LRRC8B: variants seen among roughly 807,000 people sequenced by gnomAD.
LRRC8B encodes the protein leucine rich repeat containing 8 VRAC subunit B, also known as volume-regulated anion channel subunit LRRC8B.
In LRRC8B, 23 loss-of-function variants were observed where a neutral mutation model predicts 58.8. The ratio of observed to expected loss-of-function variants is 0.39; its 90% CI spans 0.28 to 0.55. The LOEUF is 0.55. Among genes scored for constraint, LRRC8B ranks in the 20% least tolerant of loss-of-function variants. The probability of loss-of-function intolerance (pLI) is 0.62; values close to 1 mark genes in which losing one functional copy is unlikely to be tolerated. For synonymous variants in LRRC8B, 359 were observed against 374.1 expected (o/e 0.96, Z 0.47); for missense variants, 694 against 936.0 (o/e 0.74, Z 3.37).
At position 89,581,338 on chromosome 1, in the gene LRRC8B, A is replaced by C. The variant is rs549668338; in HGVS notation, c.-26-1287A>C. 2.0e-5 allele frequency among the ~76,000 whole-genome samples: 3 copies of C among 151,074 alleles called. No homozygotes were observed. In the East Asian group the frequency reaches 5.9e-4, roughly 30 times the overall value. On this transcript the variant is annotated intron_variant, in intron 4 of 5. Coordinates refer to ENST00000330947, the MANE Select transcript of LRRC8B (RefSeq NM_001369817.2). ...GCTACTAATACTAGAGTGTCTAGAG[A>C]GTAACTCTGGCCCAGAATAAATGAT...
At chr1:89,552,782 G>C (rs183943770) in intron 1 of LRRC8B, among the ~76,000 whole-genome samples, 1 of 152,322 alleles carries the variant, frequency 6.6e-6, no homozygotes, top group East Asian at 1.9e-4. Flanking sequence ...AGATGAGCCA[G>C]CCTGGCTACA....
intron 4 of LRRC8B, among the ~76,000 whole-genome samples, chr1:89,580,745 A>G (rs1654160041): frequency 1.3e-5 from 2 of 152,194 alleles, no homozygotes; most frequent in South Asian, 4.1e-4. Context: ...CCTAGGAGGA[A>G]GGTGAATCCA....
chr1:89,587,533 A>G (rs1654709384), intron 5 of LRRC8B, among the ~76,000 whole-genome samples: 1 of 152,180 alleles, frequency 6.6e-6, no homozygotes, highest in African/African-American at 2.4e-5. Flanking sequence ...ACTCCATCTC[A>G]AAAAAGGAAA....
chr1:89,537,828 T>C (rs575114285), intron 1 of LRRC8B, among the ~76,000 whole-genome samples: 1 of 152,300 alleles, frequency 6.6e-6, no homozygotes, highest in East Asian at 1.9e-4. Context: ...TCTCCCACCA[T>C]GTGAGGATAC....
In LRRC8B at chr1:89,584,662, T is replaced by C; in HGVS notation, c.2012T>C (p.Leu671Pro). The change falls in exon 5 of 6, where the codon CTG becomes CCG. Residue 671 changes from leucine (L) to proline (P), a missense_variant. This residue lies in a region of LRRC8B where 139 missense variants were observed against 158.2 expected (regional missense o/e 0.88). Coordinates refer to ENST00000330947, the MANE Select transcript of LRRC8B (RefSeq NM_001369817.2). ...TTGGACCATAATAATATTGAGAATC[T>C]GCCCTTGCAGCTTTTCCTATGCACT... ...LSLDHNNIENLPLQLFLCTKL... is the reference protein window; with the variant it reads ...LSLDHNNIENPPLQLFLCTKL... 6.2e-7 allele frequency: 1 copy of C among 1,614,018 alleles called. No homozygotes were observed. Among genetic ancestry groups the C allele is most frequent in the Non-Finnish European group, 8.5e-7 (1 of 1,180,010 alleles).
At chr1:89,559,641 C>A (rs1652471128) in intron 1 of LRRC8B, among the ~76,000 whole-genome samples, 1 of 151,014 alleles carries the variant, frequency 6.6e-6, no homozygotes, top group Admixed American at 6.6e-5. Context: ...CACACACACA[C>A]ACACACACAC....
intron 1 of LRRC8B, among the ~76,000 whole-genome samples, chr1:89,563,708 T>C (rs1652847314): frequency 6.6e-6 from 1 of 152,212 alleles, no homozygotes; most frequent in Non-Finnish European, 1.5e-5. Flanking sequence ...TCATGTTTAG[T>C]GCTTACATTG....
chr1:89,565,515 T>C (rs1570610324), intron 1 of LRRC8B, among the ~76,000 whole-genome samples: 1 of 152,332 alleles, frequency 6.6e-6, no homozygotes, highest in African/African-American at 2.4e-5. Context: ...ACTTAGCCTC[T>C]GCTTCTGAAT....
chr1:89,566,527 G>A (rs1259364214), intron 1 of LRRC8B, among the ~76,000 whole-genome samples: 3 of 152,200 alleles, frequency 2.0e-5, no homozygotes, highest in Non-Finnish European at 4.4e-5. Flanking sequence ...CAAGATCCCA[G>A]TGACTATGCC....
At chr1:89,565,034 C>T (rs1224026657) in intron 1 of LRRC8B, among the ~76,000 whole-genome samples, 1 of 152,132 alleles carries the variant, frequency 6.6e-6, no homozygotes, top group Non-Finnish European at 1.5e-5. Flanking sequence ...GAGACTAAAG[C>T]TATCTAAGGA....
chr1:89,563,930 A>G (rs1652860254), intron 1 of LRRC8B, among the ~76,000 whole-genome samples: 1 of 152,170 alleles, frequency 6.6e-6, no homozygotes, highest in African/African-American at 2.4e-5. Context: ...AGTCTCTCAC[A>G]TTTTCATCAG....
At chr1:89,549,233 C>G (rs1041508117) in intron 1 of LRRC8B, among the ~76,000 whole-genome samples, 12 of 152,150 alleles carry the variant, frequency 7.9e-5, no homozygotes, top group Non-Finnish European at 1.5e-4. Context: ...AAATTAAATT[C>G]CCAAAGGATA....
At chr1:89,534,766 T>G (rs149333223) in intron 1 of LRRC8B, among the ~76,000 whole-genome samples, 1,902 of 152,314 alleles carry the variant, frequency 0.012, 35 homozygotes, top group African/African-American at 0.043. Flanking sequence ...TCTAAACCCC[T>G]GAGTTATATG....
chr1:89,586,982 T>C (rs1654671044), intron 5 of LRRC8B, among the ~76,000 whole-genome samples: 1 of 152,318 alleles, frequency 6.6e-6, no homozygotes, highest in Admixed American at 6.5e-5. Flanking sequence ...TCTACAATAT[T>C]GGTCTTCAGA....
chr1:89,547,307 G>A (rs946361041), intron 1 of LRRC8B, among the ~76,000 whole-genome samples: 1 of 151,492 alleles, frequency 6.6e-6, no homozygotes, highest in African/African-American at 2.4e-5. Context: ...ATGATATTAT[G>A]GTTATATCTT....
intron 1 of LRRC8B, among the ~76,000 whole-genome samples, chr1:89,552,680 C>T (rs780061704): frequency 2.6e-5 from 4 of 152,074 alleles, no homozygotes; most frequent in Non-Finnish European, 5.9e-5. Context: ...AGATTGCAAT[C>T]GTTTATACCA....
Position 89,583,913 on chromosome 1 carries a change from G to A in LRRC8B, c.1263G>A (p.Lys421=), listed in dbSNP as rs1654428621. The A allele has an allele frequency of 6.2e-7, 1 of 1,614,200 alleles. No individual in the cohort carries two copies. The highest frequency in any genetic ancestry group is 1.1e-5 in the South Asian group (1 of 91,084). ...AGCTTGTGAAAAATGCCCAGGACAA[G>A]ATAGAACTGCATCTTTTTATGCTCA... ...KSKLVKNAQD[K]IELHLFMLNG... Residue 421 remains lysine (K), a synonymous_variant, in exon 5 of 6, where the codon AAG becomes AAA. Transcript: ENST00000330947. The surrounding 1 kb of genome is among the most constrained non-coding windows in gnomAD (Gnocchi z 5.2).
chr1:89,578,606 A>C (rs2061479), intron 3 of LRRC8B, among the ~76,000 whole-genome samples: 61,534 of 152,054 alleles, frequency 0.4, 13,777 homozygotes, highest in South Asian at 0.55. Flanking sequence ...ACATGCCCAA[A>C]TTTTTGATAT....
intron 1 of LRRC8B, among the ~76,000 whole-genome samples, chr1:89,556,312 A>G (rs888014581): frequency 2.0e-5 from 3 of 152,124 alleles, no homozygotes; most frequent in African/African-American, 7.2e-5. Context: ...TGCCTTTTAC[A>G]TCTCTTCCAT....
Sources: allele counts gnomAD v4.1 joint callset (sites outside exome capture counted in the v4.1 genomes callset), GRCh38; gene constraint gnomAD v4.1.1; regional missense constraint gnomAD v4.1.1; non-coding constraint Gnocchi (gnomAD v3.1); transcripts MANE v1.5; gene names NCBI Gene and HGNC (gene_info 2026-07-23, HGNC 2026-07-21).